TMTC2: variants seen among roughly 807,000 people sequenced by gnomAD.
The protein encoded by TMTC2 is protein O-mannosyl-transferase TMTC2.
TMTC2 carries 43 observed loss-of-function variants against 82.4 expected under a neutral mutation model. That is an observed-to-expected ratio of 0.52 (90% CI 0.41 to 0.67). TMTC2 has a LOEUF of 0.67. TMTC2 is among the 30% of genes least tolerant of loss of function. TMTC2 has a pLI of 0.00. For missense variants in TMTC2, 919 were observed against 1,012.4 expected (o/e 0.91, Z 1.25); for synonymous variants, 408 against 381.9 (o/e 1.07, Z -0.80).
chr12:82,977,495 G>A (rs1878726932), intron 7 of TMTC2, among the ~76,000 whole-genome samples: 1 of 151,830 alleles, frequency 6.6e-6, no homozygotes, highest in Non-Finnish European at 1.5e-5. Context: ...GTCAGGGAAG[G>A]AAATTTGTAT....
chr12:82,891,452 G>A (rs1418435527), intron 2 of TMTC2, among the ~76,000 whole-genome samples: 2 of 152,084 alleles, frequency 1.3e-5, no homozygotes, highest in Non-Finnish European at 2.9e-5. Flanking sequence ...GGGATTACAG[G>A]CATGCGCCAC....
intron 9 of TMTC2, among the ~76,000 whole-genome samples, chr12:83,039,946 G>A (rs943224780): frequency 1.3e-5 from 2 of 152,178 alleles, no homozygotes; most frequent in Non-Finnish European, 2.9e-5. Context: ...CCAGAGTTAT[G>A]AAAATTTGCA....
chr12:83,087,288 T>G (rs1484856837), intron 11 of TMTC2, among the ~76,000 whole-genome samples: 4 of 152,212 alleles, frequency 2.6e-5, no homozygotes, highest in African/African-American at 9.6e-5. Context: ...CTAATTCTCT[T>G]GTTCTTTTTA....
chr12:83,035,910 T>C (rs1421198566), intron 9 of TMTC2, among the ~76,000 whole-genome samples: 1 of 152,206 alleles, frequency 6.6e-6, no homozygotes, highest in Non-Finnish European at 1.5e-5. Flanking sequence ...ACATTTGTTA[T>C]GAGGTACCTA....
intron 11 of TMTC2, among the ~76,000 whole-genome samples, chr12:83,076,412 TG>T (rs1002979320): frequency 1.3e-5 from 2 of 152,184 alleles, no homozygotes; most frequent in Non-Finnish European, 2.9e-5. Flanking sequence ...CATTTCTTTG[TG>T]GGGGTATCTT....
At chr12:82,695,570 T>G (rs1872749251) in intron 1 of TMTC2, among the ~76,000 whole-genome samples, 1 of 152,238 alleles carries the variant, frequency 6.6e-6, no homozygotes, top group Non-Finnish European at 1.5e-5. Context: ...TGTTCCACAA[T>G]GAAAGCATGT....
chr12:82,951,978 C>T (rs1032786346), intron 4 of TMTC2, among the ~76,000 whole-genome samples: 2 of 152,076 alleles, frequency 1.3e-5, no homozygotes, highest in South Asian at 2.1e-4. Flanking sequence ...GCTTGGTCCT[C>T]GAATACAAAG....
At chr12:82,950,155 T>A (rs896886817) in intron 4 of TMTC2, among the ~76,000 whole-genome samples, 1 of 152,218 alleles carries the variant, frequency 6.6e-6, no homozygotes, top group Non-Finnish European at 1.5e-5. Context: ...AATCTCATCT[T>A]GAGTCTTGAC....
At chr12:82,765,402 C>T (rs1876896592) in intron 1 of TMTC2, among the ~76,000 whole-genome samples, 2 of 152,092 alleles carry the variant, frequency 1.3e-5, no homozygotes, top group African/African-American at 2.4e-5. Flanking sequence ...TGGCCGGGCG[C>T]GGCAGCTCGT....
At chr12:82,761,887 T>TTTCTCTCG (rs55993433) in intron 1 of TMTC2, among the ~76,000 whole-genome samples, 1 of 148,998 alleles carries the variant, frequency 6.7e-6, no homozygotes, top group Non-Finnish European at 1.5e-5. Context: ...TCTTTCTTTC[T>TTTCTCTCG]CTCTCTTTCT....
intron 8 of TMTC2, among the ~76,000 whole-genome samples, chr12:83,017,034 A>G (rs1880708836): frequency 6.6e-6 from 1 of 152,192 alleles, no homozygotes; most frequent in Non-Finnish European, 1.5e-5. Flanking sequence ...CCCTGGAAAA[A>G]TGTGTTTTGG....
At chr12:82,921,481 T>C (rs80078663) in intron 3 of TMTC2, among the ~76,000 whole-genome samples, 11,495 of 152,194 alleles carry the variant, frequency 0.076, 536 homozygotes, top group African/African-American at 0.098. Flanking sequence ...TTATAATTTT[T>C]AAAATTTCTT....
chr12:82,801,818 T>C (rs1307556057), intron 1 of TMTC2, among the ~76,000 whole-genome samples: 1 of 152,084 alleles, frequency 6.6e-6, no homozygotes, highest in Admixed American at 6.5e-5. Flanking sequence ...TGTCGATTGG[T>C]GCATTCACAA....
chr12:82,858,479 C>G (rs1467064132), intron 2 of TMTC2, among the ~76,000 whole-genome samples: 1 of 152,200 alleles, frequency 6.6e-6, no homozygotes, highest in Non-Finnish European at 1.5e-5. Flanking sequence ...CTTTTGGATA[C>G]AAGTGAGGAA....
At chr12:82,992,894 A>G (rs1186610803) in intron 8 of TMTC2, among the ~76,000 whole-genome samples, 2 of 152,320 alleles carry the variant, frequency 1.3e-5, no homozygotes, top group Non-Finnish European at 2.9e-5. Context: ...AAATACTCAA[A>G]TTCTTTTGAG....
At chr12:83,127,965 C>G (rs1431018022) in intron 11 of TMTC2, among the ~76,000 whole-genome samples, 4 of 152,052 alleles carry the variant, frequency 2.6e-5, no homozygotes, top group African/African-American at 4.8e-5. Flanking sequence ...CCAGTCAGTC[C>G]CTTTGATATA....
intron 3 of TMTC2, among the ~76,000 whole-genome samples, chr12:82,924,069 AG>A (rs1875559123): frequency 6.6e-6 from 1 of 152,228 alleles, no homozygotes; most frequent in Non-Finnish European, 1.5e-5. Flanking sequence ...GGATTTGAGA[AG>A]GAATTGTTTT....
At chr12:82,753,700 A>ATTT (rs1218607988) in intron 1 of TMTC2, among the ~76,000 whole-genome samples, 7 of 152,238 alleles carry the variant, frequency 4.6e-5, no homozygotes, top group Non-Finnish European at 8.8e-5. Flanking sequence ...AGATTGCCAA[A>ATTT]GGCACAGTTA....
intron 1 of TMTC2, among the ~76,000 whole-genome samples, chr12:82,855,403 C>T (rs1201755150): frequency 6.6e-6 from 1 of 152,178 alleles, no homozygotes; most frequent in Non-Finnish European, 1.5e-5. Flanking sequence ...ATCACACCTG[C>T]CTCACAAGAG....
Sources: allele counts gnomAD v4.1 joint callset (sites outside exome capture counted in the v4.1 genomes callset), GRCh38; gene constraint gnomAD v4.1.1; transcripts MANE v1.5; gene names NCBI Gene and HGNC (gene_info 2026-07-23, HGNC 2026-07-21).